Variants in RNGTT observed in about 807,000 individuals in gnomAD.
The protein encoded by RNGTT is mRNA-capping enzyme.
Under a neutral mutation model 79.3 loss-of-function variants are expected in RNGTT, and 33 were observed. The observed-to-expected ratio is 0.42, with a 90% confidence interval of 0.32 to 0.56. The LOEUF is 0.56. RNGTT is among the 20% of genes least tolerant of loss of function. The pLI, the probability that RNGTT is intolerant of heterozygous loss-of-function variation, is 0.17. For missense variants in RNGTT, 497 were observed against 739.1 expected, an observed-to-expected ratio of 0.67 and a Z score of 3.80; for synonymous variants, 222 against 235.9, an observed-to-expected ratio of 0.94 and a Z score of 0.54.
chr6:88,793,919 A>G lies in RNGTT; in HGVS notation c.1338+7645T>C, dbSNP rs11968892. ...TTAATTGTCTAACTTGCCATTTAAAACATAAATTATTTTTAGGAAACTAAA... is the reference window on the plus strand; with the variant it reads ...TTAATTGTCTAACTTGCCATTTAAAGCATAAATTATTTTTAGGAAACTAAA... On this transcript the variant is annotated intron_variant, in intron 12 of 15. Coordinates refer to ENST00000369485, the MANE Select transcript of RNGTT (RefSeq NM_003800.5). 4.5e-3 allele frequency among the ~76,000 whole-genome samples: 681 copies of G among 152,344 alleles called. 2 individuals carry two copies. Among genetic ancestry groups the G allele is most frequent in the African/African-American group, 0.015 (644 of 41,584 alleles).
chr6:88,893,285 A>G (rs921656876), intron 6 of RNGTT, among the ~76,000 whole-genome samples: 2 of 152,120 alleles, frequency 1.3e-5, no homozygotes, highest in African/African-American at 4.8e-5. Context: ...TAAGCATCCT[A>G]ATTCTGATGG....
intron 6 of RNGTT, among the ~76,000 whole-genome samples, chr6:88,897,832 C>T (rs1783304449): frequency 6.6e-6 from 1 of 152,150 alleles, no homozygotes; most frequent in South Asian, 2.1e-4. Context: ...TTGCTACATG[C>T]TAAGCACAGA....
At chr6:88,780,438 T>C (rs1779024674) in intron 12 of RNGTT, among the ~76,000 whole-genome samples, 1 of 152,114 alleles carries the variant, frequency 6.6e-6, no homozygotes, top group African/African-American at 2.4e-5. Context: ...TTATCAAACT[T>C]GAAATACAGA....
At chr6:88,893,631 C>T (rs949436669) in intron 6 of RNGTT, among the ~76,000 whole-genome samples, 10 of 152,110 alleles carry the variant, frequency 6.6e-5, no homozygotes, top group Non-Finnish European at 1.2e-4. Flanking sequence ...AAATACTGAG[C>T]ATCAGTACAG....
At chr6:88,771,090 G>A (rs1179447617) in intron 12 of RNGTT, among the ~76,000 whole-genome samples, 1 of 151,472 alleles carries the variant, frequency 6.6e-6, no homozygotes, top group East Asian at 1.9e-4. Context: ...GAAGACCAAA[G>A]TTCTTTATTT....
chr6:88,920,480 G>A (rs1372861995), intron 4 of RNGTT, among the ~76,000 whole-genome samples: 4 of 152,088 alleles, frequency 2.6e-5, no homozygotes, highest in African/African-American at 9.7e-5. Context: ...TGTTAAGGAT[G>A]TGTGTATATA....
At chr6:88,676,071 T>C (rs905138116) in intron 14 of RNGTT, among the ~76,000 whole-genome samples, 2 of 152,152 alleles carry the variant, frequency 1.3e-5, no homozygotes, top group Non-Finnish European at 2.9e-5. Context: ...TAAAAATTCA[T>C]ATGGAAATGA....
intron 13 of RNGTT, among the ~76,000 whole-genome samples, chr6:88,708,446 A>G (rs1279741213): frequency 2.0e-5 from 3 of 151,826 alleles, no homozygotes; most frequent in Non-Finnish European, 1.5e-5. Flanking sequence ...ATCCTACTAG[A>G]TACTTTCCCA....
rs538089231 is a variant in RNGTT, at chr6:88,685,499, C to T, written c.1440-7080G>A. Among the ~76,000 whole-genome samples the T allele has an allele frequency of 2.1e-5, 3 of 145,356 alleles. No individual in the cohort carries two copies. The East Asian group carries it at 6.1e-4, about 29-fold the overall frequency. On this transcript the variant is annotated intron_variant, in intron 13 of 15. Coordinates refer to ENST00000369485, the MANE Select transcript of RNGTT (RefSeq NM_003800.5). ...CAATGTTGAAGTAAAAGAAAGGAAA[C>T]ATACAATATAGGCCAACTTCAGAGA...
intron 13 of RNGTT, among the ~76,000 whole-genome samples, chr6:88,742,093 A>C (rs1417243373): frequency 1.3e-5 from 2 of 152,222 alleles, no homozygotes; most frequent in South Asian, 4.1e-4. Flanking sequence ...CTGTAAAAAC[A>C]AGAGGTCCTG....
At chr6:88,758,661 C>A (rs1778102422) in intron 13 of RNGTT, among the ~76,000 whole-genome samples, 1 of 152,052 alleles carries the variant, frequency 6.6e-6, no homozygotes, top group African/African-American at 2.4e-5. Context: ...TGAACTAGTA[C>A]ATAATGTTCA....
intron 1 of RNGTT, among the ~76,000 whole-genome samples, chr6:88,954,415 G>C (rs993944185): frequency 3.2e-4 from 48 of 152,024 alleles, no homozygotes; most frequent in Non-Finnish European, 6.5e-4. Flanking sequence ...TGAAAAAAAG[G>C]ATTCGTCCAA....
At chr6:88,874,099 G>A (rs1009876734) in intron 8 of RNGTT, among the ~76,000 whole-genome samples, 4 of 152,074 alleles carry the variant, frequency 2.6e-5, no homozygotes, top group Admixed American at 2.0e-4. Flanking sequence ...AGAATGTACA[G>A]TGTCTTCATT....
intron 13 of RNGTT, among the ~76,000 whole-genome samples, chr6:88,733,522 A>AT (rs1193859976): frequency 4.6e-5 from 7 of 152,114 alleles, no homozygotes. Flanking sequence ...CAGAATAAAT[A>AT]TAAGTAATAA....
intron 8 of RNGTT, among the ~76,000 whole-genome samples, chr6:88,872,404 T>C (rs1295596501): frequency 1.3e-5 from 2 of 151,978 alleles, no homozygotes; most frequent in Non-Finnish European, 2.9e-5. Context: ...CATTGAACCA[T>C]AATCACCCAG....
At chr6:88,629,815 C>T (rs2756374) in intron 14 of RNGTT, among the ~76,000 whole-genome samples, 91,797 of 151,928 alleles carry the variant, frequency 0.6, 29,549 homozygotes, top group African/African-American at 0.84. Context: ...AGAAAGTAAC[C>T]AGCACAATCT....
At chr6:88,942,216 T>C (rs1227471455) in intron 1 of RNGTT, among the ~76,000 whole-genome samples, 2 of 152,230 alleles carry the variant, frequency 1.3e-5, no homozygotes, top group Non-Finnish European at 2.9e-5. Flanking sequence ...GATATCATTC[T>C]GAGAGGATGC....
chr6:88,764,770 T>C (rs1459406932), intron 13 of RNGTT, among the ~76,000 whole-genome samples: 1 of 152,222 alleles, frequency 6.6e-6, no homozygotes, highest in Non-Finnish European at 1.5e-5. Flanking sequence ...TCAGGACATA[T>C]ACTACCTTAA....
intron 13 of RNGTT, among the ~76,000 whole-genome samples, chr6:88,699,842 T>C (rs918885644): frequency 1.3e-5 from 2 of 152,150 alleles, no homozygotes; most frequent in African/African-American, 4.8e-5. Flanking sequence ...ATGGTTTGAA[T>C]CATATAAGGT....
Sources: gnomAD v4.1 joint callset for allele counts (sites outside exome capture counted in the v4.1 genomes callset) on GRCh38, gnomAD v4.1.1 for gene constraint, MANE v1.5 for transcripts, NCBI Gene and HGNC (gene_info 2026-07-23, HGNC 2026-07-21) for gene names.